Variants in XPO7 observed in about 807,000 individuals in gnomAD.
XPO7 encodes exportin 7, also known as exportin-7.
XPO7 carries 21 observed loss-of-function variants against 144.3 expected under a neutral mutation model. The ratio of observed to expected loss-of-function variants is 0.15; its 90% CI spans 0.10 to 0.21. The LOEUF (loss-of-function observed/expected upper bound fraction) is 0.21. Among genes scored for constraint, XPO7 ranks in the 10% least tolerant of loss-of-function variants. The pLI is 1.00. For synonymous variants in XPO7, 580 were observed against 499.6 expected, an observed-to-expected ratio of 1.16 and a Z score of -2.15; for missense variants, 808 against 1,325.8, an observed-to-expected ratio of 0.61 and a Z score of 6.06.
chr8:21,925,464 A>G (rs1370475881), intron 1 of XPO7, among the ~76,000 whole-genome samples: 1 of 152,246 alleles, frequency 6.6e-6, no homozygotes, highest in Non-Finnish European at 1.5e-5. Flanking sequence ...TTTCCTTGAA[A>G]TAAGCTGATT....
chr8:21,969,754 A>G lies in XPO7; in HGVS notation c.259+178A>G, dbSNP rs530221626. 3.5e-5 allele frequency: 22 copies of G among 632,026 alleles called. No homozygotes were observed. In the Admixed American group the frequency reaches 4.8e-4, roughly 14 times the overall value. 39.2% of individuals were successfully genotyped at this position (632,026 alleles called of 1,614,324 possible). ...TTATGAAAGTGAAGGGCCCGACGCAATAACTTCTGGATAAAGCCTAAGTCC... is the reference window on the plus strand; with the variant it reads ...TTATGAAAGTGAAGGGCCCGACGCAGTAACTTCTGGATAAAGCCTAAGTCC... On this transcript the variant is annotated intron_variant, in intron 3 of 27. Coordinates refer to ENST00000252512, the MANE Select transcript of XPO7 (RefSeq NM_015024.5).
chr8:21,920,404 C>T (rs766653863), intron 1 of XPO7, among the ~76,000 whole-genome samples: 27 of 152,128 alleles, frequency 1.8e-4, no homozygotes, highest in Non-Finnish European at 3.7e-4. Flanking sequence ...AAAATGGGTG[C>T]TCAGGCCTCG....
chr8:21,941,860 G>T (rs764448168), intron 1 of XPO7, among the ~76,000 whole-genome samples: 4 of 152,136 alleles, frequency 2.6e-5, no homozygotes, highest in Middle Eastern at 3.2e-3. Context: ...AATTTTCGTT[G>T]TTGTTGTTGA....
chr8:21,927,582 G>C (rs1337658528), intron 1 of XPO7, among the ~76,000 whole-genome samples: 1 of 111,582 alleles, frequency 9.0e-6, no homozygotes, highest in Non-Finnish European at 1.7e-5. Flanking sequence ...TTTTGCTCTT[G>C]TTGCCCAGGC....
intron 11 of XPO7, among the ~76,000 whole-genome samples, chr8:21,983,555 T>C (rs963312717): frequency 6.6e-6 from 1 of 152,178 alleles, no homozygotes; most frequent in African/African-American, 2.4e-5. Flanking sequence ...CAGTTCAAAA[T>C]CTGAGTATTC....
At chr8:21,979,927 G>A (rs1411012958) in intron 8 of XPO7, among the ~76,000 whole-genome samples, 157 bp from the exon 9 acceptor site, 3 of 151,766 alleles carry the variant, frequency 2.0e-5, no homozygotes, top group Non-Finnish European at 2.9e-5. Context: ...ATGGGCTGCC[G>A]TGGTCTGCTT....
At chr8:21,974,000 G>A (rs971589268) in intron 5 of XPO7, among the ~76,000 whole-genome samples, 8 of 152,024 alleles carry the variant, frequency 5.3e-5, no homozygotes, top group Admixed American at 3.9e-4. Context: ...TAACTTCAGC[G>A]TTGAGGGTTT....
chr8:21,973,080 C>A (rs1291572629), intron 5 of XPO7, among the ~76,000 whole-genome samples: 1 of 152,080 alleles, frequency 6.6e-6, no homozygotes, highest in Non-Finnish European at 1.5e-5. Context: ...AAACTGAGGC[C>A]CATAAAGATG....
intron 1 of XPO7, among the ~76,000 whole-genome samples, chr8:21,920,107 T>G: frequency 6.6e-6 from 1 of 151,460 alleles, no homozygotes; most frequent in African/African-American, 2.4e-5. Context: ...CTCCGTCAAG[T>G]CCTCGGGCCC....
intron 24 of XPO7, among the ~76,000 whole-genome samples, chr8:22,001,111 G>A (rs1167685101): frequency 3.3e-5 from 5 of 151,988 alleles, no homozygotes; most frequent in South Asian, 2.1e-4. Flanking sequence ...TCAGGAGCTC[G>A]AGACCAGCCT....
rs1329396872 is a variant in XPO7 at position 21,951,573 on chromosome 8, G to A, written c.19-15284G>A. ...CACATAAATAGTCTAGGGCAGAGCT[G>A]CACATAAAACCACCAGTTAAAGCCC... is the stretch of plus-strand genomic sequence containing the variant. On this transcript the variant is annotated intron_variant, in intron 1 of 27. Transcript: ENST00000252512. 2.6e-5 allele frequency among the ~76,000 whole-genome samples: 4 copies of A among 152,160 alleles called. No homozygotes were observed. In the East Asian group the frequency reaches 7.7e-4, roughly 29 times the overall value.
chr8:21,993,058 G>A (rs1294085281), intron 19 of XPO7, among the ~76,000 whole-genome samples: 1 of 152,112 alleles, frequency 6.6e-6, no homozygotes, highest in Non-Finnish European at 1.5e-5. Flanking sequence ...AACACTTAAT[G>A]CAACCCTCTC....
At chr8:21,951,294 C>G (rs989537835) in intron 1 of XPO7, among the ~76,000 whole-genome samples, 1 of 151,416 alleles carries the variant, frequency 6.6e-6, no homozygotes, top group East Asian at 1.9e-4. Context: ...TGAGGCCTAC[C>G]TTAATTACCC....
At chr8:21,987,379 A>C in intron 14 of XPO7, 103 bp downstream of exon 14, 4 of 1,465,430 alleles carry the variant, frequency 2.7e-6, no homozygotes, top group Non-Finnish European at 2.8e-6. Flanking sequence ...TCCAGATTTC[A>C]CGTAATAGGA....
At chr8:21,987,993 T>A in intron 15 of XPO7, 136 bp downstream of exon 15, 2 of 926,560 alleles carry the variant, frequency 2.2e-6, no homozygotes. Flanking sequence ...TGCATTTGAG[T>A]GTGTGACAAG....
intron 20 of XPO7, among the ~76,000 whole-genome samples, 167 bp downstream of exon 20, chr8:21,994,618 A>G (rs1563337142): frequency 6.6e-6 from 1 of 152,204 alleles, no homozygotes; most frequent in Non-Finnish European, 1.5e-5. Context: ...TATGACAGAC[A>G]TAAGGTTGTC....
Position 21,981,855 on chromosome 8 carries a change from A to G in XPO7, c.1082A>G (p.Asn361Ser), listed in dbSNP as rs760221020. ...NYPEVIRLIANFTVTSLQHWE... is the reference protein window; with the variant it reads ...NYPEVIRLIASFTVTSLQHWE... Reference sequence around the variant, plus strand: ...CCTGAGGTCATCCGATTGATAGCCAACTTCACAGTGACCAGCCTACAGGTT... The same window carrying G: ...CCTGAGGTCATCCGATTGATAGCCAGCTTCACAGTGACCAGCCTACAGGTT... The change falls in exon 10 of 28, where the codon AAC (asparagine) becomes AGC (serine). Residue 361 changes from asparagine to serine, a missense_variant. By Grantham distance (46) the Asn-to-Ser change is conservative (BLOSUM62 1). This residue lies in a region of XPO7 where 26 missense variants were observed against 85.8 expected (regional missense o/e 0.30). Coordinates refer to ENST00000252512, the MANE Select transcript of XPO7 (RefSeq NM_015024.5). The G allele has an allele frequency of 3.7e-6, 6 of 1,614,006 alleles. No individual in the cohort carries two copies. The highest frequency in any genetic ancestry group is 1.1e-5 in the South Asian group (1 of 91,078).
At chr8:21,989,152 T>G in intron 16 of XPO7, 69 bp downstream of exon 16, 2 of 1,376,648 alleles carry the variant, frequency 1.5e-6, no homozygotes, top group Non-Finnish European at 2.0e-6. Flanking sequence ...AATCATGGCC[T>G]CCTGCTCTTT....
intron 1 of XPO7, among the ~76,000 whole-genome samples, chr8:21,953,480 A>G (rs565557973): frequency 1.3e-5 from 2 of 152,360 alleles, no homozygotes; most frequent in Non-Finnish European, 2.9e-5. Flanking sequence ...TGCTATAAAC[A>G]TTTGTGTACA....
Sources: allele counts gnomAD v4.1 joint callset (sites outside exome capture counted in the v4.1 genomes callset), GRCh38; gene constraint gnomAD v4.1.1; regional missense constraint gnomAD v4.1.1; transcripts MANE v1.5; gene names NCBI Gene and HGNC (gene_info 2026-07-23, HGNC 2026-07-21).